Variants in ATP1B3 observed in about 807,000 individuals in gnomAD.
ATP1B3 encodes the protein ATPase Na+/K+ transporting subunit beta 3, also known as sodium/potassium-transporting ATPase subunit beta-3.
In ATP1B3, 10 loss-of-function variants were observed where a neutral mutation model predicts 30.2. The observed-to-expected ratio is 0.33, with a 90% CI of 0.20 to 0.56. The LOEUF is 0.56. ATP1B3 is among the 20% of genes least tolerant of loss of function. ATP1B3 has a pLI of 0.90. For synonymous variants in ATP1B3, 113 were observed against 117.0 expected (o/e 0.97, Z 0.22); for missense variants, 238 against 336.7 (o/e 0.71, Z 2.29).
At chr3:141,921,824 T>G (rs1005847423) in intron 5 of ATP1B3, 153 bp from the exon 6 acceptor site, 6 of 493,822 alleles carry the variant, frequency 1.2e-5, no homozygotes, top group African/African-American at 2.0e-5. Flanking sequence ...TGAGCAAGCT[T>G]CTTCTCAGAA....
chr3:141,920,161 G>A (rs1450958426), intron 5 of ATP1B3, among the ~76,000 whole-genome samples: 1 of 152,098 alleles, frequency 6.6e-6, no homozygotes, highest in Admixed American at 6.5e-5. Context: ...TGATGGTCTT[G>A]AGCCGTGATG....
At chr3:141,896,266 C>G (rs901739869) in intron 1 of ATP1B3, among the ~76,000 whole-genome samples, 3 of 150,876 alleles carry the variant, frequency 2.0e-5, no homozygotes, top group African/African-American at 7.4e-5. Flanking sequence ...GTCAGGAATT[C>G]AAGAACAGCC....
intron 1 of ATP1B3, among the ~76,000 whole-genome samples, chr3:141,889,198 C>G (rs111485595): frequency 6.6e-6 from 1 of 152,068 alleles, no homozygotes; most frequent in African/African-American, 2.4e-5. Context: ...CACCAGGCCC[C>G]TCCCCCAGCA....
At chr3:141,910,852 A>C (rs1184993744) in intron 3 of ATP1B3, among the ~76,000 whole-genome samples, 1 of 148,280 alleles carries the variant, frequency 6.7e-6, no homozygotes, top group Admixed American at 6.8e-5. Context: ...ATTCTCAAGT[A>C]ATTTTATAAG....
At chr3:141,924,142 G>A (rs1285009987) in intron 6 of ATP1B3, among the ~76,000 whole-genome samples, 4 of 151,944 alleles carry the variant, frequency 2.6e-5, no homozygotes, top group Non-Finnish European at 4.4e-5. Flanking sequence ...TGGAGAGTTC[G>A]AGACCAGCCT....
rs888438562 is a variant in ATP1B3 at position 141,885,868 on chromosome 3, C to A, written c.109+8958C>A. On this transcript the variant is annotated intron_variant, in intron 1 of 6. Coordinates refer to ENST00000286371, the MANE Select transcript of ATP1B3 (RefSeq NM_001679.4). The stretch of plus-strand genomic sequence containing the variant: ...AGACGATTGGCTTTCCAGCTTTTAT[C>A]TGCTGCGTTAAAACACACACACACA... 8.1e-5 allele frequency among the ~76,000 whole-genome samples: 12 copies of A among 147,766 alleles called. No homozygotes were observed. In the East Asian group the frequency reaches 1.6e-3, roughly 20 times the overall value.
intron 4 of ATP1B3, among the ~76,000 whole-genome samples, chr3:141,915,683 G>C (rs1257389017): frequency 6.6e-6 from 1 of 152,112 alleles, no homozygotes; most frequent in Non-Finnish European, 1.5e-5. Context: ...GTTTCTGTCT[G>C]TTTCATATTT....
chr3:141,922,126 G>A (rs776635524), intron 6 of ATP1B3, 63 bp downstream of exon 6: 21 of 984,864 alleles, frequency 2.1e-5, no homozygotes, highest in Non-Finnish European at 3.0e-5. Flanking sequence ...ATGTGTTGAC[G>A]TACCACTTGT....
intron 3 of ATP1B3, among the ~76,000 whole-genome samples, chr3:141,913,232 C>G (rs1033198636): frequency 1.3e-5 from 2 of 151,336 alleles, no homozygotes; most frequent in East Asian, 2.0e-4. Flanking sequence ...TGTCATAACA[C>G]TACATCTTCA....
At chr3:141,916,396 C>G (rs1200765350) in intron 5 of ATP1B3, 1 of 485,378 alleles carries the variant, frequency 2.1e-6, no homozygotes, top group Admixed American at 2.3e-5. Context: ...TGCTAGTCAT[C>G]AGTGCTATCT....
At chr3:141,881,846 TGTG>T (rs959045743) in intron 1 of ATP1B3, among the ~76,000 whole-genome samples, 3 of 152,164 alleles carry the variant, frequency 2.0e-5, no homozygotes, top group Non-Finnish European at 1.5e-5. Flanking sequence ...CAATGGTACA[TGTG>T]GTGACAGCAG....
chr3:141,924,908 G>A (rs981777011), intron 6 of ATP1B3, among the ~76,000 whole-genome samples: 4 of 152,076 alleles, frequency 2.6e-5, no homozygotes, highest in Non-Finnish European at 4.4e-5. Flanking sequence ...AGCCGGGATC[G>A]TGCCACTGCA....
chr3:141,904,032 G>A (rs1176175264), intron 2 of ATP1B3, among the ~76,000 whole-genome samples: 2 of 152,136 alleles, frequency 1.3e-5, no homozygotes, highest in East Asian at 1.9e-4. Context: ...GATCTGCCCC[G>A]CCTTGGCCTC....
intron 1 of ATP1B3, among the ~76,000 whole-genome samples, chr3:141,879,357 C>T (rs1487901724): frequency 6.6e-6 from 1 of 152,082 alleles, no homozygotes; most frequent in Non-Finnish European, 1.5e-5. Flanking sequence ...ATTTTGAAAA[C>T]TTGTTTTCAT....
intron 1 of ATP1B3, among the ~76,000 whole-genome samples, chr3:141,881,903 A>G (rs1933733836): frequency 6.6e-6 from 1 of 151,814 alleles, no homozygotes; most frequent in African/African-American, 2.4e-5. Context: ...AGCAGGAGAA[A>G]GTACTTCCTG....
At chr3:141,882,448 G>A (rs1933745029) in intron 1 of ATP1B3, among the ~76,000 whole-genome samples, 1 of 152,016 alleles carries the variant, frequency 6.6e-6, no homozygotes, top group Non-Finnish European at 1.5e-5. Context: ...CCTAAATGTT[G>A]ATGTGCTGGA....
chr3:141,915,215 C>G (rs1394085178), intron 4 of ATP1B3, among the ~76,000 whole-genome samples: 1 of 152,156 alleles, frequency 6.6e-6, no homozygotes, highest in African/African-American at 2.4e-5. Flanking sequence ...CAGGGCATGG[C>G]TTTGTCAGGA....
At chr3:141,915,603 A>G (rs993228644) in intron 4 of ATP1B3, among the ~76,000 whole-genome samples, 8 of 152,154 alleles carry the variant, frequency 5.3e-5, no homozygotes, top group African/African-American at 1.9e-4. Context: ...GTTAATTATT[A>G]TGCTTCTGCA....
chr3:141,911,787 G>A (rs971275460), intron 3 of ATP1B3, among the ~76,000 whole-genome samples: 2 of 152,150 alleles, frequency 1.3e-5, no homozygotes. Context: ...GAGCCACTGC[G>A]CTCGGCCTTT....
Sources: allele counts gnomAD v4.1 joint callset (sites outside exome capture counted in the v4.1 genomes callset), GRCh38; gene constraint gnomAD v4.1.1; transcripts MANE v1.5; gene names NCBI Gene and HGNC (gene_info 2026-07-23, HGNC 2026-07-21).